Variants in ADAMTS16 observed in about 807,000 individuals in gnomAD.
The protein encoded by ADAMTS16 is ADAM metallopeptidase with thrombospondin type 1 motif 16.
Under a neutral mutation model 145.8 loss-of-function variants are expected in ADAMTS16, and 94 were observed. The observed-to-expected ratio is 0.64, with a 90% confidence interval of 0.55 to 0.77. The LOEUF is 0.77. Ranked by LOEUF, ADAMTS16 falls within the 30% of genes least tolerant of loss-of-function variation. The pLI is 0.00. For missense variants in ADAMTS16, 1,585 were observed against 1,591.5 expected (o/e 1.00, Z 0.07); for synonymous variants, 659 against 604.3 (o/e 1.09, Z -1.33).
rs545974834 is a variant in ADAMTS16, at chr5:5,180,536, GA to G, written c.502-1506del. Among the ~76,000 whole-genome samples, 48 of 152,264 alleles carry G rather than the reference GA, an allele frequency of 3.2e-4. No individual in the cohort carries two copies. The South Asian group carries it at 9.8e-3, about 31-fold the overall frequency. Reference sequence around the variant, plus strand: ...CCCTCCTACTCAACTTTCTCCTCCTGAAGAGGCTTTTCCCCCTGAAGATGGT... The same window carrying G: ...CCCTCCTACTCAACTTTCTCCTCCTGAGAGGCTTTTCCCCCTGAAGATGGT... On this transcript the variant is annotated intron_variant, in intron 3 of 22. Coordinates refer to ENST00000274181, the MANE Select transcript of ADAMTS16 (RefSeq NM_139056.4).
At chr5:5,208,995 T>A in intron 9 of ADAMTS16, 98 bp from the exon 10 acceptor site, 1 of 1,355,394 alleles carries the variant, frequency 7.4e-7, no homozygotes. Flanking sequence ...ACACAATATA[T>A]GTTGTAAAAT....
chr5:5,287,400 G>A (rs1049589830), intron 18 of ADAMTS16, among the ~76,000 whole-genome samples: 2 of 152,170 alleles, frequency 1.3e-5, no homozygotes, highest in Non-Finnish European at 2.9e-5. Flanking sequence ...TGAGTCTGCT[G>A]TCATTTCAAC....
intron 17 of ADAMTS16, among the ~76,000 whole-genome samples, chr5:5,248,102 G>A (rs1199262457): frequency 6.6e-6 from 1 of 152,160 alleles, no homozygotes; most frequent in Non-Finnish European, 1.5e-5. Context: ...GTTCATTTAT[G>A]GAACACCGTC....
chr5:5,148,779 A>C (rs1734368571), intron 3 of ADAMTS16, among the ~76,000 whole-genome samples: 1 of 152,216 alleles, frequency 6.6e-6, no homozygotes, highest in Admixed American at 6.5e-5. Flanking sequence ...GTATGGCTGC[A>C]GCCTAGCAGA....
chr5:5,232,381 GAC>G lies in ADAMTS16; in HGVS notation c.1717_1718del (p.Gln573ValfsTer6). ...TGAAAATTTTAGTGGTGCCGGGGAG[GAC>G]AGTGTGTGAAATATGGTGATGAAGG... On this transcript the variant is annotated frameshift_variant, in exon 12 of 23. Coordinates refer to ENST00000274181, the MANE Select transcript of ADAMTS16 (RefSeq NM_139056.4). LOFTEE classifies it high-confidence loss of function. The G allele has an allele frequency of 6.2e-7, 1 of 1,613,860 alleles. No individual in the cohort carries two copies. Among genetic ancestry groups the G allele is most frequent in the Admixed American group, 1.7e-5 (1 of 59,998 alleles).
At chr5:5,181,448 A>G (rs1735336730) in intron 3 of ADAMTS16, among the ~76,000 whole-genome samples, 1 of 152,186 alleles carries the variant, frequency 6.6e-6, no homozygotes, top group Admixed American at 6.5e-5. Context: ...CATTTTTGGT[A>G]TTTTTATAAA....
At chr5:5,306,479 A>ACT in intron 20 of ADAMTS16, 25 bp from the exon 21 acceptor site, 1 of 1,579,916 alleles carries the variant, frequency 6.3e-7, no homozygotes, top group South Asian at 1.2e-5. Flanking sequence ...TTTTTCACTG[A>ACT]CTTCTTTTGT....
intron 17 of ADAMTS16, among the ~76,000 whole-genome samples, chr5:5,250,122 C>T (rs1737575655): frequency 6.6e-6 from 1 of 152,158 alleles, no homozygotes; most frequent in Admixed American, 6.5e-5. Flanking sequence ...CAAGGTGAGC[C>T]AAAAGGCAAC....
At chr5:5,161,151 T>C (rs1734735693) in intron 3 of ADAMTS16, among the ~76,000 whole-genome samples, 1 of 152,232 alleles carries the variant, frequency 6.6e-6, no homozygotes, top group Non-Finnish European at 1.5e-5. Context: ...AACAGACATA[T>C]GCAACTATGA....
intron 3 of ADAMTS16, among the ~76,000 whole-genome samples, chr5:5,155,020 G>C (rs1283026793): frequency 6.6e-6 from 1 of 152,196 alleles, no homozygotes; most frequent in Non-Finnish European, 1.5e-5. Flanking sequence ...GAGAGTGCTT[G>C]CTCAAGCAAA....
rs1734223372 is a variant in ADAMTS16, at chr5:5,320,016, A to T, written c.*878A>T. On this transcript the variant is annotated 3_prime_UTR_variant, in exon 23 of 23. Coordinates refer to ENST00000274181, the MANE Select transcript of ADAMTS16 (RefSeq NM_139056.4). The surrounding 1 kb of genome is among the most constrained non-coding windows in gnomAD (Gnocchi z 5.1). ...TTATGGTTCTATTATAGCAGACGTC[A>T]GCCACACAGCCTATGTGACAATAAC... The T allele has an allele frequency of 4.6e-6, 2 of 438,032 alleles. No homozygotes were observed. The allele number at this position is 438,032 out of a possible 1,614,324, so 27.1% of individuals were successfully genotyped here. A position where few individuals can be genotyped will look rare whatever the true frequency, so the allele number is the denominator to read the frequency against.
At position 5,191,772 on chromosome 5, in the gene ADAMTS16, C is replaced by G. The variant is rs1021704546; in HGVS notation, c.1295C>G (p.Ala432Gly). Reference sequence around the variant, plus strand: ...GGTCTTGGACTGGCCTTCACCATTGCCCATGAGTCTGGACACAAGTAAGTG... The same window carrying G: ...GGTCTTGGACTGGCCTTCACCATTGGCCATGAGTCTGGACACAAGTAAGTG... Reference protein sequence around the residue: ...DTGLGLAFTIAHESGHNFGMI... With the variant: ...DTGLGLAFTIGHESGHNFGMI... The change falls in exon 8 of 23, where the codon GCC (alanine) becomes GGC (glycine). Residue 432 changes from alanine (A) to glycine (G), a missense_variant. Transcript: ENST00000274181. 6.2e-7 allele frequency: 1 copy of G among 1,612,902 alleles called. No homozygotes were observed. The highest frequency in any genetic ancestry group is 1.3e-5 in the African/African-American group (1 of 74,894).
intron 18 of ADAMTS16, among the ~76,000 whole-genome samples, chr5:5,280,905 A>T (rs1470121538): frequency 6.6e-6 from 1 of 152,206 alleles, no homozygotes; most frequent in East Asian, 1.9e-4. Context: ...CAAGTCTGGG[A>T]ACCCTCTCAG....
intron 10 of ADAMTS16, among the ~76,000 whole-genome samples, chr5:5,213,081 C>T (rs1165183196): frequency 1.3e-5 from 2 of 152,188 alleles, no homozygotes; most frequent in Non-Finnish European, 2.9e-5. Flanking sequence ...CATCCCTCTT[C>T]CTTGCACTAT....
chr5:5,230,689 C>G (rs868842314), intron 11 of ADAMTS16, among the ~76,000 whole-genome samples: 1 of 152,182 alleles, frequency 6.6e-6, no homozygotes, highest in Non-Finnish European at 1.5e-5. Flanking sequence ...AAGCTATTAC[C>G]ATGTCAATAC....
intron 11 of ADAMTS16, among the ~76,000 whole-genome samples, chr5:5,232,012 T>G (rs958228000): frequency 1.3e-5 from 2 of 152,190 alleles, no homozygotes; most frequent in Non-Finnish European, 2.9e-5. Context: ...AAAAGCACCT[T>G]GTTTTCAGGA....
At chr5:5,258,848 A>G (rs1737892904) in intron 17 of ADAMTS16, among the ~76,000 whole-genome samples, 1 of 151,778 alleles carries the variant, frequency 6.6e-6, no homozygotes, top group Non-Finnish European at 1.5e-5. Flanking sequence ...ATATATATAT[A>G]TAATTTTTTT....
At chr5:5,199,972 T>C (rs1171946073) in intron 8 of ADAMTS16, among the ~76,000 whole-genome samples, 160 bp from the exon 9 acceptor site, 1 of 152,198 alleles carries the variant, frequency 6.6e-6, no homozygotes, top group Non-Finnish European at 1.5e-5. Context: ...AATACGTGAA[T>C]ATTCTTAACC....
intron 11 of ADAMTS16, among the ~76,000 whole-genome samples, chr5:5,224,248 TG>T (rs1736688708): frequency 6.6e-6 from 1 of 152,256 alleles, no homozygotes; most frequent in Admixed American, 6.5e-5. Flanking sequence ...GTGATCCAGT[TG>T]ATTTAATCCA....
Sources: allele counts gnomAD v4.1 joint callset (sites outside exome capture counted in the v4.1 genomes callset), GRCh38; gene constraint gnomAD v4.1.1; non-coding constraint Gnocchi (gnomAD v3.1); transcripts MANE v1.5; gene names NCBI Gene and HGNC (gene_info 2026-07-23, HGNC 2026-07-21).